EFCAB6: variants seen among roughly 807,000 people sequenced by gnomAD.
EFCAB6 encodes EF-hand calcium binding domain 6.
EFCAB6 carries 156 observed loss-of-function variants against 169.8 expected under a neutral mutation model. The ratio of observed to expected loss-of-function variants is 0.92; its 90% CI spans 0.81 to 1.05. EFCAB6 has a LOEUF of 1.05. Among genes scored for constraint, EFCAB6 ranks in the 50% least tolerant of loss-of-function variants. The pLI, the probability that EFCAB6 is intolerant of heterozygous loss-of-function variation, is 0.00. For synonymous variants in EFCAB6, 698 were observed against 676.4 expected, an observed-to-expected ratio of 1.03 and a Z score of -0.50; for missense variants, 1,800 against 1,829.1, an observed-to-expected ratio of 0.98 and a Z score of 0.29.
intron 25 of EFCAB6, among the ~76,000 whole-genome samples, chr22:43,579,805 C>T (rs561025815): frequency 9.3e-5 from 14 of 150,704 alleles, no homozygotes; most frequent in East Asian, 4.0e-4. Flanking sequence ...ATTCCACACA[C>T]GCAGGCATCA....
At chr22:43,590,016 A>G (rs2051363314) in intron 24 of EFCAB6, 58 bp downstream of exon 24, 1 of 1,570,782 alleles carries the variant, frequency 6.4e-7, no homozygotes, top group African/African-American at 1.4e-5. Context: ...AACAAAGGCA[A>G]TTCTCCAGTA....
intron 25 of EFCAB6, among the ~76,000 whole-genome samples, chr22:43,580,175 G>A (rs955381058): frequency 1.3e-5 from 2 of 152,096 alleles, no homozygotes; most frequent in African/African-American, 2.4e-5. Flanking sequence ...CCCAGGATGC[G>A]CTGAGCCCAC....
At chr22:43,531,022 G>A (rs2047028098) in intron 30 of EFCAB6, 58 bp from the exon 31 acceptor site, 2 of 1,606,742 alleles carry the variant, frequency 1.2e-6, no homozygotes, top group East Asian at 2.2e-5. Context: ...GGTTGGGGTG[G>A]GCTCCTCCTC....
chr22:43,559,536 G>T (rs368685441), intron 26 of EFCAB6, among the ~76,000 whole-genome samples: 10 of 152,258 alleles, frequency 6.6e-5, no homozygotes, highest in East Asian at 1.9e-4. Flanking sequence ...GATTATAAAT[G>T]ATTCTACTAT....
intron 19 of EFCAB6, among the ~76,000 whole-genome samples, chr22:43,630,886 G>A (rs1202546782): frequency 2.7e-5 from 4 of 150,658 alleles, no homozygotes; most frequent in Admixed American, 2.6e-4. Flanking sequence ...GTATGCATAT[G>A]GCGATCATAT....
intron 3 of EFCAB6, among the ~76,000 whole-genome samples, chr22:43,777,499 G>A (rs2061678191): frequency 6.6e-6 from 1 of 152,148 alleles, no homozygotes; most frequent in Non-Finnish European, 1.5e-5. Flanking sequence ...GAAGCACTCG[G>A]GCTTCCCTTC....
rs1428666037 is a variant in EFCAB6, at chr22:43,772,927, G to T, written c.316C>A (p.Leu106Ile). 2 of 1,614,074 alleles carry T rather than the reference G, an allele frequency of 1.2e-6. No homozygotes were observed. Among genetic ancestry groups the T allele is most frequent in the Non-Finnish European group, 1.7e-6 (2 of 1,180,044 alleles). ...RRIITDFLMP[L>I]TREQFQDVLA... ...ACGTCCTGAAACTGTTCTCGTGTGA[G>T]CGGCATCAGGAAGTCTGTGATGATT... The change falls in exon 4 of 32, where the codon CTC (leucine) becomes ATC (isoleucine). Residue 106 changes from leucine to isoleucine, a missense_variant. By Grantham distance (5) the Leu-to-Ile change is conservative. Transcript: ENST00000262726.
At chr22:43,556,617 A>G (rs1405626870) in intron 26 of EFCAB6, among the ~76,000 whole-genome samples, 1 of 152,192 alleles carries the variant, frequency 6.6e-6, no homozygotes, top group African/African-American at 2.4e-5. Flanking sequence ...GCTCGACAGC[A>G]ATGTATATAT....
chr22:43,711,768 C>T (rs2059169167), intron 9 of EFCAB6, 145 bp from the exon 10 acceptor site: 4 of 929,294 alleles, frequency 4.3e-6, no homozygotes, highest in Non-Finnish European at 6.0e-6. Context: ...TACTGAACTT[C>T]AAATGTTTAA....
At chr22:43,800,303 C>A (rs9614274) in intron 2 of EFCAB6, among the ~76,000 whole-genome samples, 1 of 152,068 alleles carries the variant, frequency 6.6e-6, no homozygotes, top group Admixed American at 6.5e-5. Flanking sequence ...ACAACTACAG[C>A]GGAAAAGGAG....
At chr22:43,530,014 G>T (rs1336137436) in intron 31 of EFCAB6, among the ~76,000 whole-genome samples, 1 of 152,210 alleles carries the variant, frequency 6.6e-6, no homozygotes, top group Non-Finnish European at 1.5e-5. Flanking sequence ...TGGGGCTGAG[G>T]TCAGCAGGCC....
At chr22:43,705,074 T>C (rs904683701) in intron 10 of EFCAB6, among the ~76,000 whole-genome samples, 2 of 152,074 alleles carry the variant, frequency 1.3e-5, no homozygotes, top group Admixed American at 6.5e-5. Context: ...TGAGAAAGGA[T>C]AGCTATGCTT....
At chr22:43,567,129 C>T (rs910390998) in intron 26 of EFCAB6, among the ~76,000 whole-genome samples, 8 of 133,028 alleles carry the variant, frequency 6.0e-5, no homozygotes, top group African/African-American at 2.0e-4. Flanking sequence ...TCATCCTCCT[C>T]GTCCTCCTCA....
chr22:43,555,504 T>C (rs1465159447), intron 26 of EFCAB6, among the ~76,000 whole-genome samples: 1 of 152,234 alleles, frequency 6.6e-6, no homozygotes, highest in Non-Finnish European at 1.5e-5. Flanking sequence ...CCACATGCTT[T>C]CATTTCAGGA....
intron 6 of EFCAB6, 51 bp from the exon 7 acceptor site, chr22:43,736,044 C>A: frequency 2.0e-6 from 3 of 1,485,520 alleles, no homozygotes; most frequent in Non-Finnish European, 1.8e-6. Context: ...GTGTTAGGAA[C>A]CAAATGGTAA....
intron 26 of EFCAB6, among the ~76,000 whole-genome samples, chr22:43,556,930 T>A (rs2048741974): frequency 6.6e-6 from 1 of 152,240 alleles, no homozygotes; most frequent in South Asian, 2.1e-4. Context: ...CAAATGCACT[T>A]CTCAGACCCA....
At chr22:43,808,563 G>A (rs1422361302) in intron 2 of EFCAB6, among the ~76,000 whole-genome samples, 6 of 152,146 alleles carry the variant, frequency 3.9e-5, no homozygotes, top group African/African-American at 1.4e-4. Flanking sequence ...TGAAGTGCCT[G>A]GCACACAGTG....
At chr22:43,742,458 C>G (rs1294787380) in intron 6 of EFCAB6, among the ~76,000 whole-genome samples, 1 of 152,232 alleles carries the variant, frequency 6.6e-6, no homozygotes, top group Non-Finnish European at 1.5e-5. Context: ...TCCTCGCTTA[C>G]TTACATCTGA....
At chr22:43,570,971 C>T (rs575320945) in intron 26 of EFCAB6, among the ~76,000 whole-genome samples, 3 of 152,282 alleles carry the variant, frequency 2.0e-5, no homozygotes, top group Admixed American at 6.5e-5. Context: ...CTTTAAGAAG[C>T]GCTGTCTGAT....
Sources: allele counts gnomAD v4.1 joint callset (sites outside exome capture counted in the v4.1 genomes callset), GRCh38; gene constraint gnomAD v4.1.1; transcripts MANE v1.5; gene names NCBI Gene and HGNC (gene_info 2026-07-23, HGNC 2026-07-21).